The following PRKCB variants were observed in gnomAD, a reference collection of about 807,000 sequenced individuals.
The protein encoded by PRKCB is protein kinase C beta, also known as protein kinase C beta type.
In PRKCB, 13 loss-of-function variants were observed where a neutral mutation model predicts 81.5. That is an observed-to-expected ratio of 0.16 (90% CI 0.10 to 0.25). The LOEUF is 0.25. Ranked by LOEUF, PRKCB falls within the 10% of genes least tolerant of loss-of-function variation. PRKCB has a pLI of 1.00. For synonymous variants in PRKCB, 335 were observed against 321.4 expected (o/e 1.04, Z -0.45); for missense variants, 509 against 875.7 (o/e 0.58, Z 5.29).
chr16:24,188,605 A>G (rs756168769), intron 15 of PRKCB, among the ~76,000 whole-genome samples: 5 of 152,124 alleles, frequency 3.3e-5, no homozygotes, highest in Non-Finnish European at 7.3e-5. Flanking sequence ...AAAAAAAATT[A>G]GTAAAACCTT....
chr16:24,021,037 T>TTTCTTTCTTTCTTTCG, intron 3 of PRKCB, among the ~76,000 whole-genome samples: 1 of 139,294 alleles, frequency 7.2e-6, no homozygotes, highest in East Asian at 2.2e-4. Context: ...TCTTTCTTTC[T>TTTCTTTCTTTCTTTCG]TTCTCTTTCT....
chr16:23,908,714 T>C (rs1390101016), intron 2 of PRKCB, among the ~76,000 whole-genome samples: 1 of 151,594 alleles, frequency 6.6e-6, no homozygotes, highest in Non-Finnish European at 1.5e-5. Flanking sequence ...GTATTTTTAG[T>C]AGAGACGGGG....
At chr16:24,033,439 A>G (rs769317360) in intron 4 of PRKCB, among the ~76,000 whole-genome samples, 3 of 152,160 alleles carry the variant, frequency 2.0e-5, no homozygotes, top group Non-Finnish European at 4.4e-5. Context: ...AGAGAGACTC[A>G]GGCAAAAGGA....
intron 5 of PRKCB, among the ~76,000 whole-genome samples, chr16:24,037,139 C>T (rs902623067): frequency 6.6e-6 from 1 of 152,176 alleles, no homozygotes; most frequent in Admixed American, 6.5e-5. Flanking sequence ...CAGGCGCCCA[C>T]CACCACGCCT....
intron 2 of PRKCB, among the ~76,000 whole-genome samples, chr16:23,890,990 A>T (rs989719331): frequency 3.3e-5 from 4 of 121,544 alleles, no homozygotes; most frequent in Non-Finnish European, 3.4e-5. Flanking sequence ...AACATTATGT[A>T]TATATATAAT....
chr16:23,887,120 C>G (rs900418383), intron 2 of PRKCB, among the ~76,000 whole-genome samples: 3 of 152,012 alleles, frequency 2.0e-5, no homozygotes, highest in African/African-American at 7.2e-5. Flanking sequence ...TTCTTGCTTT[C>G]TTGCTTTCTG....
At chr16:24,108,012 C>G in intron 7 of PRKCB, among the ~76,000 whole-genome samples, 1 of 152,190 alleles carries the variant, frequency 6.6e-6, no homozygotes, top group East Asian at 1.9e-4. Flanking sequence ...TCAGAGGTCT[C>G]TGATATATCG....
At chr16:23,860,919 T>C (rs115452956) in intron 2 of PRKCB, among the ~76,000 whole-genome samples, 1 of 151,724 alleles carries the variant, frequency 6.6e-6, no homozygotes, top group Admixed American at 6.6e-5. Flanking sequence ...AAGAAAAAAA[T>C]GTTTTTTTCT....
chr16:23,954,819 A>G (rs1964328154), intron 2 of PRKCB, among the ~76,000 whole-genome samples: 1 of 152,162 alleles, frequency 6.6e-6, no homozygotes. Context: ...TGGAAGGCCG[A>G]AGTGGGTGGA....
rs1963031771 is a variant in PRKCB at position 23,877,324 on chromosome 16, G to A, written c.205+39918G>A. On this transcript the variant is annotated intron_variant, in intron 2 of 16. Transcript: ENST00000643927. Reference sequence around the variant, plus strand: ...TGCACCCCAGCCTGGGCAGCAGAGGGAGACCCTGTCTCTTAAAAAACAAAT... The same window carrying A: ...TGCACCCCAGCCTGGGCAGCAGAGGAAGACCCTGTCTCTTAAAAAACAAAT... Among the ~76,000 whole-genome samples the A allele has an allele frequency of 2.0e-5, 3 of 152,284 alleles. No homozygotes were observed. The South Asian group carries it at 6.2e-4, about 32-fold the overall frequency.
chr16:23,951,506 C>T (rs183145443), intron 2 of PRKCB, among the ~76,000 whole-genome samples: 1 of 151,738 alleles, frequency 6.6e-6, no homozygotes, highest in Admixed American at 6.6e-5. Flanking sequence ...CTCACTGTAA[C>T]CTCAACTCCA....
intron 7 of PRKCB, among the ~76,000 whole-genome samples, chr16:24,096,680 T>A (rs1329692886): frequency 3.0e-3 from 105 of 35,192 alleles, no homozygotes; most frequent in African/African-American, 7.4e-3. Context: ...TATATATATA[T>A]ATATATATAT....
intron 2 of PRKCB, among the ~76,000 whole-genome samples, chr16:23,970,236 A>G (rs1964539197): frequency 6.6e-6 from 1 of 152,140 alleles, no homozygotes; most frequent in Non-Finnish European, 1.5e-5. Flanking sequence ...GTCCAAGGTT[A>G]ATGTCATCTC....
intron 7 of PRKCB, among the ~76,000 whole-genome samples, chr16:24,108,287 T>A (rs1008959684): frequency 3.3e-4 from 49 of 147,858 alleles, no homozygotes; most frequent in Non-Finnish European, 4.5e-4. Context: ...TTATTTATTT[T>A]TTTTATTATT....
At chr16:23,972,536 G>GT (rs1596492834) in intron 2 of PRKCB, among the ~76,000 whole-genome samples, 1 of 151,992 alleles carries the variant, frequency 6.6e-6, no homozygotes, top group East Asian at 1.9e-4. Context: ...CTGTACTTAG[G>GT]TTTTCCCCTT....
At chr16:24,102,956 C>T (rs567326093) in intron 7 of PRKCB, among the ~76,000 whole-genome samples, 1 of 152,246 alleles carries the variant, frequency 6.6e-6, no homozygotes, top group South Asian at 2.1e-4. Flanking sequence ...TGCAGTGGCA[C>T]AGTCTCTGCA....
chr16:24,174,623 A>T, intron 12 of PRKCB, 43 bp downstream of exon 12: 2 of 1,516,950 alleles, frequency 1.3e-6, no homozygotes, highest in Admixed American at 1.8e-5. Context: ...CATCTCCCTC[A>T]GCTCCTCCCT....
intron 2 of PRKCB, among the ~76,000 whole-genome samples, chr16:23,977,075 C>G (rs1446793165): frequency 2.6e-5 from 4 of 152,128 alleles, no homozygotes; most frequent in African/African-American, 9.7e-5. Flanking sequence ...TAGTGCTGGG[C>G]TGTGAATAAG....
intron 16 of PRKCB, 44 bp from the exon 17 acceptor site, chr16:24,214,614 T>C (rs747775794): frequency 3.2e-6 from 5 of 1,554,374 alleles, no homozygotes; most frequent in Non-Finnish European, 3.5e-6. Context: ...TTGTTTTTGT[T>C]TTTTTTCCCA....
Sources: allele counts gnomAD v4.1 joint callset (sites outside exome capture counted in the v4.1 genomes callset), GRCh38; gene constraint gnomAD v4.1.1; transcripts MANE v1.5; gene names NCBI Gene and HGNC (gene_info 2026-07-23, HGNC 2026-07-21).